THOC2: variants seen among roughly 807,000 people sequenced by gnomAD.
THOC2 encodes THO complex subunit 2, also known as THO complex 2.
Under a neutral mutation model 128.4 loss-of-function variants are expected in THOC2, and 10 were observed. The ratio of observed to expected loss-of-function variants is 0.08; its 90% confidence interval spans 0.05 to 0.13. THOC2 has a LOEUF of 0.13. Ranked by LOEUF, THOC2 falls within the 10% of genes least tolerant of loss-of-function variation. The pLI is 1.00. For missense variants in THOC2, 535 were observed against 1,155.7 expected (o/e 0.46, Z 7.79); for synonymous variants, 393 against 396.9 (o/e 0.99, Z 0.12).
intron 8 of THOC2, among the ~76,000 whole-genome samples, chrX:123,674,549 C>A (rs748463606): frequency 9.7e-4 from 108 of 111,341 alleles, no homozygotes; most frequent in Non-Finnish European, 1.8e-3. Context: ...TGGGTTTAAT[C>A]CATTTACATT....
Position 123,605,930 on chromosome X carries a change from A to G in THOC2, c.*19-4592T>C, listed in dbSNP as rs576329440. Among the ~76,000 whole-genome samples the G allele has an allele frequency of 2.7e-5, 3 of 111,257 alleles. No individual in the cohort carries two copies. The South Asian group carries it at 1.2e-3, about 43-fold the overall frequency. On this transcript the variant is annotated intron_variant, in intron 38 of 38. Coordinates refer to ENST00000245838, the MANE Select transcript of THOC2 (RefSeq NM_001081550.2). The stretch of plus-strand genomic sequence containing the variant: ...GCTGAGTGGGGACTGACGGAGGTGA[A>G]CTGTTTTTAAAAAGGCCCTTGCTCT...
chrX:123,693,498 G>C (rs1416878788), intron 7 of THOC2, among the ~76,000 whole-genome samples: 2 of 111,733 alleles, frequency 1.8e-5, no homozygotes, highest in Non-Finnish European at 3.8e-5. Context: ...CAGACAATTG[G>C]GGGAGGAGGA....
At chrX:123,716,553 G>A (rs950509892) in intron 1 of THOC2, among the ~76,000 whole-genome samples, 13 of 110,014 alleles carry the variant, frequency 1.2e-4, no homozygotes, top group Non-Finnish European at 1.9e-4. Flanking sequence ...GTGAATCTCC[G>A]TCTCTACTAA....
intron 1 of THOC2, among the ~76,000 whole-genome samples, chrX:123,726,536 C>A (rs2051999555): frequency 9.1e-6 from 1 of 109,446 alleles, no homozygotes; most frequent in South Asian, 4.0e-4. Context: ...AAAAACTTCT[C>A]CTTATAACAA....
chrX:123,706,497 T>A (rs2050934875), intron 3 of THOC2, among the ~76,000 whole-genome samples: 1 of 107,091 alleles, frequency 9.3e-6, no homozygotes, highest in Admixed American at 1.0e-4. Context: ...ATTAGGTATA[T>A]CTCCTAATGT....
intron 4 of THOC2, among the ~76,000 whole-genome samples, chrX:123,702,521 TAATA>T (rs1303200535): frequency 9.5e-6 from 1 of 105,379 alleles, no homozygotes; most frequent in Non-Finnish European, 1.9e-5. Context: ...TACATATATA[TAATA>T]TATATTACAT....
chrX:123,702,310 G>A (rs927875845), intron 4 of THOC2, among the ~76,000 whole-genome samples: 16 of 108,755 alleles, frequency 1.5e-4, no homozygotes, highest in Non-Finnish European at 2.5e-4. Context: ...AATAATGTTT[G>A]GCAATGTCTT....
chrX:123,615,535 G>T lies in THOC2; in HGVS notation c.4312-1346C>A, dbSNP rs184825328. 6.6e-3 allele frequency among the ~76,000 whole-genome samples: 718 copies of T among 109,519 alleles called. 4 individuals are homozygous for T. Among genetic ancestry groups the T allele is most frequent in the African/African-American group, 0.022 (663 of 30,332 alleles). On this transcript the variant is annotated intron_variant, in intron 33 of 38. Transcript: ENST00000245838. ...ATGACATCAAGATTTTTCTAATCGTGAGGTTTATTCATATCTTAACATTAT... is the reference window on the plus strand; with the variant it reads ...ATGACATCAAGATTTTTCTAATCGTTAGGTTTATTCATATCTTAACATTAT...
At chrX:123,645,286 T>C (rs1029539222) in intron 13 of THOC2, 48 bp downstream of exon 13, 1 of 920,823 alleles carries the variant, frequency 1.1e-6, no homozygotes, top group Admixed American at 2.9e-5. Flanking sequence ...TAATATACTG[T>C]AGCAAGACAA....
At chrX:123,622,223 C>A (rs1310896315) in intron 30 of THOC2, among the ~76,000 whole-genome samples, 1 of 110,806 alleles carries the variant, frequency 9.0e-6, no homozygotes. Flanking sequence ...CATGGCAAAA[C>A]CCTGTCTCTA....
chrX:123,657,998 T>C (rs1296630619), intron 12 of THOC2, among the ~76,000 whole-genome samples: 1 of 109,983 alleles, frequency 9.1e-6, no homozygotes, highest in Admixed American at 9.7e-5. Flanking sequence ...TGTGTGTGTG[T>C]GTGTGTGTAT....
rs1467178983 is a variant in THOC2, at chrX:123,624,510, G to A, written c.3186+31C>T. The A allele has an allele frequency of 3.4e-6, 4 of 1,182,281 alleles. No individual in the cohort carries two copies. In the African/African-American group the frequency reaches 7.1e-5, roughly 21 times the overall value. Reference sequence around the variant, plus strand: ...AATGGATGTGGTCATTATATACATGGGTAAAATATAAGGGTTTTTATTAGT... The same window carrying A: ...AATGGATGTGGTCATTATATACATGAGTAAAATATAAGGGTTTTTATTAGT... On this transcript the variant is annotated intron_variant, in intron 26 of 38. Coordinates refer to ENST00000245838, the MANE Select transcript of THOC2 (RefSeq NM_001081550.2).
chrX:123,678,247 T>C (rs2049590564), intron 8 of THOC2, among the ~76,000 whole-genome samples: 2 of 109,736 alleles, frequency 1.8e-5, no homozygotes, highest in African/African-American at 6.7e-5. Flanking sequence ...TTGGTCAGCA[T>C]TGGGGTCCAT....
chrX:123,683,634 T>C (rs1248884136), intron 8 of THOC2, among the ~76,000 whole-genome samples: 1 of 109,368 alleles, frequency 9.1e-6, no homozygotes, highest in Non-Finnish European at 1.9e-5. Flanking sequence ...GTTTCGCTCT[T>C]GTTGCCCAGG....
intron 15 of THOC2, among the ~76,000 whole-genome samples, chrX:123,642,199 G>A: frequency 8.9e-6 from 1 of 111,756 alleles, no homozygotes; most frequent in Non-Finnish European, 1.9e-5. Context: ...GCCAAGGCGG[G>A]TGAATCACAA....
At chrX:123,605,903 G>A (rs1266217115) in intron 38 of THOC2, among the ~76,000 whole-genome samples, 2 of 110,635 alleles carry the variant, frequency 1.8e-5, no homozygotes, top group Admixed American at 9.6e-5. Context: ...CAAAAGAAAC[G>A]AGCTGAGTGG....
chrX:123,694,185 ATTT>A (rs771836191), intron 7 of THOC2, among the ~76,000 whole-genome samples: 1 of 111,455 alleles, frequency 9.0e-6, no homozygotes, highest in Non-Finnish European at 1.9e-5. Context: ...ATAGCACAGA[ATTT>A]TTATGTGGGG....
At chrX:123,662,041 A>T (rs1345466903) in intron 12 of THOC2, among the ~76,000 whole-genome samples, 2 of 112,192 alleles carry the variant, frequency 1.8e-5, no homozygotes, top group Non-Finnish European at 3.8e-5. Flanking sequence ...AGCCAAGTCA[A>T]ATATTTCAGA....
intron 33 of THOC2, among the ~76,000 whole-genome samples, 173 bp downstream of exon 33, chrX:123,619,228 T>C (rs1271806560): frequency 8.9e-6 from 1 of 112,365 alleles, no homozygotes; most frequent in African/African-American, 3.2e-5. Context: ...ACCACTGTCA[T>C]CTGTTGTTTC....
Sources: gnomAD v4.1 joint callset for allele counts (sites outside exome capture counted in the v4.1 genomes callset) on GRCh38, gnomAD v4.1.1 for gene constraint, MANE v1.5 for transcripts, NCBI Gene and HGNC (gene_info 2026-07-23, HGNC 2026-07-21) for gene names.